SHISA9: variants seen among roughly 807,000 people sequenced by gnomAD.
The protein encoded by SHISA9 is protein shisa-9.
A neutral mutation model predicts 38.0 loss-of-function variants in SHISA9; 13 were observed. That is an observed-to-expected ratio of 0.34 (90% CI 0.22 to 0.54). The LOEUF (loss-of-function observed/expected upper bound fraction) is 0.54. SHISA9 is among the 20% of genes least tolerant of loss of function. The pLI, the probability that SHISA9 is intolerant of heterozygous loss-of-function variation, is 0.91. For missense variants in SHISA9, 538 were observed against 575.8 expected (o/e 0.93, Z 0.67); for synonymous variants, 275 against 242.0 (o/e 1.14, Z -1.27).
the SHISA9 span, among the ~76,000 whole-genome samples, chr16:13,522,838 A>C: frequency 6.6e-6 from 1 of 152,180 alleles, no homozygotes; most frequent in Admixed American, 6.5e-5. Context: ...AATAGCATCC[A>C]CCTTCCAGGG....
chr16:13,367,712 G>GCGCGCACACACACACACACACA, the SHISA9 span, among the ~76,000 whole-genome samples: 1 of 104,690 alleles, frequency 9.6e-6, no homozygotes, highest in South Asian at 4.0e-4. Context: ...GCGCGCGCGC[G>GCGCGCACACACACACACACACA]CACACACACA....
At chr16:13,289,305 G>A in the SHISA9 span, among the ~76,000 whole-genome samples, 1 of 150,838 alleles carries the variant, frequency 6.6e-6, no homozygotes, top group Non-Finnish European at 1.5e-5. Flanking sequence ...TCTTAAGGGT[G>A]GGCAAGTGAC....
Position 13,019,874 on chromosome 16 carries a change from CCCTCCCTCCCTTCTTTCTTT to C in SHISA9, c.691+103061_691+103080del, listed in dbSNP as rs1455954845. Among the ~76,000 whole-genome samples, 131 of 33,264 alleles carry C rather than the reference CCCTCCCTCCCTTCTTTCTTT, an allele frequency of 3.9e-3. 6 individuals carry two copies. The highest frequency in any genetic ancestry group is 0.013 in the African/African-American group (111 of 8,378). The allele number at this position is 33,264 out of a possible 152,430, so 21.8% of individuals were successfully genotyped here. ...TCCCTCCCTCCCTCCCTCCCTCCCTCCCTCCCTCCCTTCTTTCTTTCTTTCTTTCTTTCTTTCTTTCTTTC... is the reference window on the plus strand; with the variant it reads ...TCCCTCCCTCCCTCCCTCCCTCCCTCCTTTCTTTCTTTCTTTCTTTCTTTC... On this transcript the variant is annotated intron_variant, in intron 2 of 4. Transcript: ENST00000558583.
chr16:13,548,790 G>C, the SHISA9 span, among the ~76,000 whole-genome samples: 1 of 152,136 alleles, frequency 6.6e-6, no homozygotes, highest in African/African-American at 2.4e-5. Flanking sequence ...AGCCATTATG[G>C]AAAACAGTAT....
chr16:13,038,176 G>C (rs1183794909), intron 2 of SHISA9, among the ~76,000 whole-genome samples: 1 of 152,270 alleles, frequency 6.6e-6, no homozygotes. Flanking sequence ...TTTTAGTAGA[G>C]ACAGGGTTTC....
chr16:13,207,890 A>T (rs2051081172), intron 3 of SHISA9, among the ~76,000 whole-genome samples: 1 of 152,252 alleles, frequency 6.6e-6, no homozygotes, highest in Admixed American at 6.5e-5. Flanking sequence ...TGCCATTGAA[A>T]GTTCTGCAAC....
chr16:13,451,378 A>G, the SHISA9 span, among the ~76,000 whole-genome samples: 22 of 152,336 alleles, frequency 1.4e-4, no homozygotes, highest in African/African-American at 5.3e-4. Context: ...ACACACATCT[A>G]TCAGGTACCT....
chr16:13,460,906 C>G, the SHISA9 span, among the ~76,000 whole-genome samples: 17 of 152,212 alleles, frequency 1.1e-4, no homozygotes, highest in Non-Finnish European at 2.2e-4. Flanking sequence ...CTTCTGCCAA[C>G]CAGCCGCTCA....
chr16:13,428,775 T>TTG, the SHISA9 span, among the ~76,000 whole-genome samples: 4 of 149,824 alleles, frequency 2.7e-5, no homozygotes, highest in Non-Finnish European at 5.9e-5. Context: ...GTTTTATTGT[T>TTG]TTTTTTTTTT....
the SHISA9 span, among the ~76,000 whole-genome samples, chr16:13,338,659 C>T: frequency 6.6e-6 from 1 of 152,112 alleles, no homozygotes; most frequent in Admixed American, 6.6e-5. Context: ...AAAGGGTCTG[C>T]CTCCTGAGTG....
chr16:13,324,786 A>G, the SHISA9 span, among the ~76,000 whole-genome samples: 1 of 152,192 alleles, frequency 6.6e-6, no homozygotes, highest in Non-Finnish European at 1.5e-5. Flanking sequence ...TGATTGTATT[A>G]CAGCTTGGTT....
At chr16:13,365,659 A>G in the SHISA9 span, among the ~76,000 whole-genome samples, 1 of 151,846 alleles carries the variant, frequency 6.6e-6, no homozygotes, top group African/African-American at 2.4e-5. Context: ...GGTTTTCACT[A>G]TGTTGGCCAG....
In SHISA9 at chr16:12,998,138, C is replaced by T. The variant is rs538090263; in HGVS notation, c.691+81323C>T. On this transcript the variant is annotated intron_variant, in intron 2 of 4. Coordinates refer to ENST00000558583, the MANE Select transcript of SHISA9 (RefSeq NM_001145204.3). ...TCCTGCCACCCAAATATAATATTTT[C>T]TTAGAGCTGAACACGCCTAGTTTCT... 6.6e-5 allele frequency among the ~76,000 whole-genome samples: 10 copies of T among 152,310 alleles called. No individual in the cohort carries two copies. The South Asian group carries it at 1.0e-3, about 16-fold the overall frequency.
chr16:13,456,783 A>G, the SHISA9 span, among the ~76,000 whole-genome samples: 4 of 152,240 alleles, frequency 2.6e-5, no homozygotes, highest in African/African-American at 9.6e-5. Flanking sequence ...TGTGTGATCA[A>G]GCCCCAGTAA....
the SHISA9 span, among the ~76,000 whole-genome samples, chr16:13,548,469 G>T: frequency 0.037 from 5,585 of 152,216 alleles, 275 homozygotes; most frequent in African/African-American, 0.11. Flanking sequence ...CTGACAAGAG[G>T]TTAATATCCA....
chr16:13,527,943 A>G, the SHISA9 span, among the ~76,000 whole-genome samples: 2 of 152,212 alleles, frequency 1.3e-5, no homozygotes. Flanking sequence ...GGAGTCAGAC[A>G]CAGGGCAGCT....
the SHISA9 span, among the ~76,000 whole-genome samples, chr16:13,549,820 C>G: frequency 6.6e-6 from 1 of 151,918 alleles, no homozygotes; most frequent in Non-Finnish European, 1.5e-5. Flanking sequence ...GTCAGGAGTT[C>G]AAGACTAGCC....
intron 2 of SHISA9, among the ~76,000 whole-genome samples, chr16:13,174,038 C>T (rs1416914857): frequency 6.6e-6 from 1 of 152,152 alleles, no homozygotes; most frequent in East Asian, 1.9e-4. Flanking sequence ...TATCACCTCT[C>T]TAGGCCTCAG....
At chr16:13,357,683 A>G in the SHISA9 span, among the ~76,000 whole-genome samples, 3 of 152,162 alleles carry the variant, frequency 2.0e-5, no homozygotes, top group Admixed American at 6.5e-5. Flanking sequence ...GAGTCAGCGA[A>G]GGGACATAGG....
Sources: gnomAD v4.1 joint callset for allele counts (sites outside exome capture counted in the v4.1 genomes callset) on GRCh38, gnomAD v4.1.1 for gene constraint, MANE v1.5 for transcripts, NCBI Gene and HGNC (gene_info 2026-07-23, HGNC 2026-07-21) for gene names.